The following EDIL3 variants were observed in gnomAD, a reference collection of about 807,000 sequenced individuals.
The protein encoded by EDIL3 is EGF like and discoidin domains 3, also known as EGF-like repeat and discoidin I-like domain-containing protein 3.
A neutral mutation model predicts 67.4 loss-of-function variants in EDIL3; 37 were observed. That is an observed-to-expected ratio of 0.55 (90% CI 0.42 to 0.72). EDIL3 has a LOEUF of 0.72. EDIL3 is among the 30% of genes least tolerant of loss of function. The pLI is 0.00. For missense variants in EDIL3, 527 were observed against 586.3 expected (o/e 0.90, Z 1.04); for synonymous variants, 195 against 196.3 (o/e 0.99, Z 0.05).
At chr5:84,303,430 C>G (rs377748998) in intron 1 of EDIL3, among the ~76,000 whole-genome samples, 6 of 152,254 alleles carry the variant, frequency 3.9e-5, no homozygotes, top group African/African-American at 1.4e-4. Context: ...ATGATAACAA[C>G]TTTTGAAGTA....
intron 5 of EDIL3, among the ~76,000 whole-genome samples, chr5:84,125,155 C>G (rs572204942): frequency 2.0e-5 from 3 of 151,904 alleles, no homozygotes; most frequent in African/African-American, 4.8e-5. Context: ...AAACCTTCAT[C>G]GTAATGTGGT....
intron 10 of EDIL3, among the ~76,000 whole-genome samples, chr5:83,946,323 G>A (rs4612038): frequency 0.25 from 38,589 of 151,842 alleles, 5,322 homozygotes; most frequent in South Asian, 0.38. Context: ...CAAATTTGCT[G>A]ATATATTCAA....
intron 1 of EDIL3, among the ~76,000 whole-genome samples, chr5:84,299,290 C>T (rs1005006224): frequency 2.0e-5 from 3 of 151,960 alleles, no homozygotes; most frequent in South Asian, 2.1e-4. Flanking sequence ...ACTGGAAGTA[C>T]CTAAAGAGCA....
chr5:83,949,195 T>C (rs1350023268), intron 10 of EDIL3, among the ~76,000 whole-genome samples: 1 of 151,658 alleles, frequency 6.6e-6, no homozygotes, highest in Non-Finnish European at 1.5e-5. Flanking sequence ...CAGCACAAAT[T>C]GTCATTGACA....
chr5:84,126,230 A>G (rs1049161212), intron 5 of EDIL3, among the ~76,000 whole-genome samples: 2 of 152,222 alleles, frequency 1.3e-5, no homozygotes, highest in East Asian at 3.9e-4. Context: ...CCAGGACTGG[A>G]CATTCAATGA....
chr5:84,015,562 C>A (rs948039038), intron 9 of EDIL3, among the ~76,000 whole-genome samples: 5 of 151,986 alleles, frequency 3.3e-5, no homozygotes, highest in African/African-American at 1.2e-4. Flanking sequence ...ATTTCCTCAA[C>A]AAAACTCTCA....
chr5:84,149,373 C>G (rs1748347560), intron 4 of EDIL3, among the ~76,000 whole-genome samples: 1 of 152,122 alleles, frequency 6.6e-6, no homozygotes, highest in African/African-American at 2.4e-5. Flanking sequence ...CTGCCAATTC[C>G]CACCACTAAG....
At chr5:84,317,683 A>C (rs1291821652) in intron 1 of EDIL3, among the ~76,000 whole-genome samples, 1 of 152,194 alleles carries the variant, frequency 6.6e-6, no homozygotes, top group Non-Finnish European at 1.5e-5. Context: ...AGAGCTATTT[A>C]TGACAAACCC....
At position 84,384,413 on chromosome 5, in the gene EDIL3, T is replaced by C; in HGVS notation, c.-39A>G. The C allele has an allele frequency of 6.2e-7, 1 of 1,610,094 alleles. No individual in the cohort carries two copies. The highest frequency in any genetic ancestry group is 8.5e-7 in the Non-Finnish European group (1 of 1,178,124). Reference sequence around the variant, plus strand: ...GGACGTGACCCCGGCTGGTCAGGGGTCGTCGCGGAGGGCAGTGTAGCCGAG... The same window carrying C: ...GGACGTGACCCCGGCTGGTCAGGGGCCGTCGCGGAGGGCAGTGTAGCCGAG... On this transcript the variant is annotated 5_prime_UTR_variant, in exon 1 of 11. Transcript: ENST00000296591.
At chr5:84,079,055 T>C (rs888014498) in intron 6 of EDIL3, among the ~76,000 whole-genome samples, 1 of 152,122 alleles carries the variant, frequency 6.6e-6, no homozygotes, top group Non-Finnish European at 1.5e-5. Context: ...CAATCAGGCC[T>C]AAATAATGAA....
chr5:84,257,158 A>C (rs1745137111), intron 1 of EDIL3, among the ~76,000 whole-genome samples: 1 of 152,170 alleles, frequency 6.6e-6, no homozygotes, highest in African/African-American at 2.4e-5. Context: ...CATTATGGAG[A>C]GTGCCTTAAG....
At chr5:84,368,100 C>T (rs1402303042) in intron 1 of EDIL3, among the ~76,000 whole-genome samples, 1 of 152,078 alleles carries the variant, frequency 6.6e-6, no homozygotes, top group Admixed American at 6.6e-5. Flanking sequence ...CTATTGAGGG[C>T]TTGAAACTTT....
intron 10 of EDIL3, among the ~76,000 whole-genome samples, chr5:83,962,072 G>A (rs1286849975): frequency 6.6e-6 from 1 of 151,320 alleles, no homozygotes; most frequent in Non-Finnish European, 1.5e-5. Flanking sequence ...AATTTTGTGT[G>A]AACTAAATGT....
intron 1 of EDIL3, among the ~76,000 whole-genome samples, chr5:84,263,454 C>T (rs1561239012): frequency 2.6e-5 from 4 of 152,134 alleles, no homozygotes; most frequent in East Asian, 3.9e-4. Context: ...AGTAATGATG[C>T]AATTCTTTCA....
At position 84,269,072 on chromosome 5, in the gene EDIL3, T is replaced by C. The variant is rs139220498; in HGVS notation, c.68-14860A>G. ...TCCCTCATCATATATGTAGCCACTG[T>C]TAGCTCATTTTATGTATCCTTTCTG... On this transcript the variant is annotated intron_variant, in intron 1 of 10. Transcript: ENST00000296591. Among the ~76,000 whole-genome samples, 33 of 152,320 alleles carry C rather than the reference T, an allele frequency of 2.2e-4. No homozygotes were observed. In the East Asian group the frequency reaches 5.4e-3, roughly 25 times the overall value.
Position 84,327,561 on chromosome 5 carries a change from C to T in EDIL3, c.67+56747G>A, listed in dbSNP as rs180685379. ...ACCTTTTTATAATGTCTTATTTCTA[C>T]ACATGTAGTATTAATTTGTTTGTTA... is the stretch of plus-strand genomic sequence containing the variant. On this transcript the variant is annotated intron_variant, in intron 1 of 10. Coordinates refer to ENST00000296591, the MANE Select transcript of EDIL3 (RefSeq NM_005711.5). 4.3e-3 allele frequency among the ~76,000 whole-genome samples: 654 copies of T among 152,106 alleles called. 1 individual carries two copies. Among genetic ancestry groups the T allele is most frequent in the Non-Finnish European group, 7.1e-3 (483 of 67,950 alleles).
intron 6 of EDIL3, among the ~76,000 whole-genome samples, chr5:84,092,911 C>T (rs1747193003): frequency 6.6e-6 from 1 of 152,096 alleles, no homozygotes; most frequent in African/African-American, 2.4e-5. Context: ...CTGCCCAAGC[C>T]CATCTAGCCT....
At chr5:84,186,233 A>T (rs1287245761) in intron 3 of EDIL3, among the ~76,000 whole-genome samples, 1 of 152,130 alleles carries the variant, frequency 6.6e-6, no homozygotes, top group Non-Finnish European at 1.5e-5. Context: ...GTCTTGTAAC[A>T]CTATAAGTAA....
rs559636547 is a variant in EDIL3 at position 84,320,404 on chromosome 5, T to A, written c.67+63904A>T. On this transcript the variant is annotated intron_variant, in intron 1 of 10. Transcript: ENST00000296591. ...GCACCTTAAATCCAATTAAACAGTA[T>A]CTACATTTTAACGGCTTCCCAGGAG... Among the ~76,000 whole-genome samples, 5 of 152,098 alleles carry A rather than the reference T, an allele frequency of 3.3e-5. No individual in the cohort carries two copies. The East Asian group carries it at 9.7e-4, about 30-fold the overall frequency.
Sources: allele counts gnomAD v4.1 joint callset (sites outside exome capture counted in the v4.1 genomes callset), GRCh38; gene constraint gnomAD v4.1.1; transcripts MANE v1.5; gene names NCBI Gene and HGNC (gene_info 2026-07-23, HGNC 2026-07-21).